MBD5: variants seen among roughly 807,000 people sequenced by gnomAD.
MBD5 encodes the protein methyl-CpG-binding domain protein 5.
Under a neutral mutation model 117.3 loss-of-function variants are expected in MBD5, and 13 were observed. The observed-to-expected ratio is 0.11, with a 90% confidence interval of 0.07 to 0.18. The LOEUF (loss-of-function observed/expected upper bound fraction) is 0.18, where lower values mean the gene tolerates loss of function less well. MBD5 is among the 10% of genes least tolerant of loss of function. The pLI is 1.00. For synonymous variants in MBD5, 727 were observed against 766.4 expected, an observed-to-expected ratio of 0.95 and a Z score of 0.85; for missense variants, 1,879 against 2,093.8, an observed-to-expected ratio of 0.90 and a Z score of 2.00.
intron 11 of MBD5, among the ~76,000 whole-genome samples, chr2:148,498,586 T>C (rs1681774456): frequency 6.6e-6 from 1 of 152,212 alleles, no homozygotes; most frequent in Non-Finnish European, 1.5e-5. Flanking sequence ...TCCACCCGCC[T>C]CGACCTCCCA....
At chr2:148,221,298 A>G (rs1394004911) in intron 2 of MBD5, among the ~76,000 whole-genome samples, 1 of 152,100 alleles carries the variant, frequency 6.6e-6, no homozygotes, top group Non-Finnish European at 1.5e-5. Flanking sequence ...CAGTGAGATT[A>G]CTGAATCATG....
chr2:148,122,122 A>C (rs1696783276), intron 1 of MBD5, among the ~76,000 whole-genome samples: 1 of 152,142 alleles, frequency 6.6e-6, no homozygotes, highest in African/African-American at 2.4e-5. Context: ...ATTTTTGGTC[A>C]GAAATAAATT....
chr2:148,504,302 C>T (rs1373350810), intron 12 of MBD5, among the ~76,000 whole-genome samples: 2 of 152,196 alleles, frequency 1.3e-5, no homozygotes, highest in African/African-American at 2.4e-5. Context: ...CTTTCCTTTT[C>T]GATGCCCAGT....
At chr2:148,352,478 A>T (rs747093068) in intron 4 of MBD5, among the ~76,000 whole-genome samples, 74 of 151,988 alleles carry the variant, frequency 4.9e-4, no homozygotes, top group Non-Finnish European at 9.6e-4. Flanking sequence ...TTCCATCACC[A>T]CAAGGGTCCC....
At chr2:148,038,952 T>C (rs996310060) in intron 1 of MBD5, among the ~76,000 whole-genome samples, 1 of 152,036 alleles carries the variant, frequency 6.6e-6, no homozygotes, top group African/African-American at 2.4e-5. Flanking sequence ...GAGAAGTAAA[T>C]AAACTGTTTG....
chr2:148,449,071 A>G (rs1346097119), intron 4 of MBD5, among the ~76,000 whole-genome samples: 1 of 152,156 alleles, frequency 6.6e-6, no homozygotes, highest in African/African-American at 2.4e-5. Flanking sequence ...TTGTTCATAG[A>G]TGTTCTGGTA....
intron 2 of MBD5, among the ~76,000 whole-genome samples, chr2:148,197,818 G>GTTTGT (rs1699034213): frequency 9.7e-6 from 1 of 103,558 alleles, no homozygotes; most frequent in African/African-American, 3.8e-5. Flanking sequence ...TTTTTTTTTT[G>GTTTGT]TTTTTTTTTT....
intron 3 of MBD5, among the ~76,000 whole-genome samples, chr2:148,237,226 C>T (rs1700109694): frequency 6.6e-6 from 1 of 152,214 alleles, no homozygotes; most frequent in South Asian, 2.1e-4. Context: ...CATAGTAGCA[C>T]TTTTAATTTG....
Position 148,470,078 on chromosome 2 carries a change from G to A in MBD5, c.2135G>A (p.Ser712Asn), listed in dbSNP as rs1231639619. ...TTACTACAGTCTATGAGTTGTCAAAGCTCTCACTTGAGTAGCAATAGTACC... is the reference window on the plus strand; with the variant it reads ...TTACTACAGTCTATGAGTTGTCAAAACTCTCACTTGAGTAGCAATAGTACC... ...SQLLQSMSCQ[S>N]SHLSSNSTPG... is the part of the protein sequence containing the mutation. The change falls in exon 8 of 14, where the codon AGC (serine) becomes AAC (asparagine). Residue 712 changes from serine (S) to asparagine (N), a missense_variant. By Grantham distance (46) the Ser-to-Asn change is conservative. Coordinates refer to ENST00000642680, the MANE Select transcript of MBD5 (RefSeq NM_001378120.1). 1.2e-6 allele frequency: 2 copies of A among 1,613,886 alleles called. No individual in the cohort carries two copies. The highest frequency in any genetic ancestry group is 1.7e-6 in the Non-Finnish European group (2 of 1,179,906).
chr2:148,132,937 C>T (rs1697085326), intron 1 of MBD5, among the ~76,000 whole-genome samples: 1 of 152,100 alleles, frequency 6.6e-6, no homozygotes, highest in African/African-American at 2.4e-5. Flanking sequence ...ATGCATTAAA[C>T]AGTGAAACCT....
At chr2:148,086,101 CTATTGCATCATATA>C (rs2105194817) in intron 1 of MBD5, among the ~76,000 whole-genome samples, 1 of 151,676 alleles carries the variant, frequency 6.6e-6, no homozygotes, top group East Asian at 1.9e-4. Flanking sequence ...CACTTCTGGG[CTATTGCATCATATA>C]TATAGTATAT....
chr2:148,179,111 T>C (rs1484907617), intron 2 of MBD5, among the ~76,000 whole-genome samples: 9 of 152,062 alleles, frequency 5.9e-5, no homozygotes, highest in Admixed American at 1.3e-4. Context: ...TCCCAGCACT[T>C]TGGGAGGCCG....
chr2:148,259,618 G>A (rs1051893336), intron 3 of MBD5, among the ~76,000 whole-genome samples: 1 of 152,198 alleles, frequency 6.6e-6, no homozygotes, highest in Non-Finnish European at 1.5e-5. Context: ...TCGAGGAATT[G>A]TAGACAGTTT....
Position 148,489,632 on chromosome 2 carries a change from C to A in MBD5, c.4000C>A (p.Gln1334Lys). 1 of 1,614,158 alleles carries A rather than the reference C, an allele frequency of 6.2e-7. No individual in the cohort carries two copies. Among genetic ancestry groups the A allele is most frequent in the Non-Finnish European group, 8.5e-7 (1 of 1,180,026 alleles). Residue 1334 changes from glutamine to lysine, a missense_variant, in exon 11 of 14, where the codon CAG becomes AAG. Physicochemically the swap from Gln to Lys is moderately conservative, Grantham distance 53. Transcript: ENST00000642680. ...TGTCGATGCAGCCAGCAAAGGAATG[C>A]AGGTTGTCATCACCACTGCAGTCAA... ...AVVDAASKGM[Q>K]VVITTAVNST...
intron 1 of MBD5, among the ~76,000 whole-genome samples, chr2:148,141,780 A>C (rs575600273): frequency 1.6e-4 from 22 of 136,028 alleles, no homozygotes; most frequent in Admixed American, 1.5e-3. Flanking sequence ...TGACAGAGCA[A>C]GACCCCGTCT....
chr2:148,237,693 T>C (rs1204353889), intron 3 of MBD5, among the ~76,000 whole-genome samples: 1 of 152,154 alleles, frequency 6.6e-6, no homozygotes, highest in East Asian at 1.9e-4. Context: ...AGTCATGAAG[T>C]GAGCACATGC....
At chr2:148,105,832 A>G (rs1450822143) in intron 1 of MBD5, among the ~76,000 whole-genome samples, 5 of 152,070 alleles carry the variant, frequency 3.3e-5, no homozygotes, top group African/African-American at 1.2e-4. Flanking sequence ...TAAAATTCTC[A>G]TCAAATATTG....
rs1305766194 is a variant in MBD5 at position 148,469,888 on chromosome 2, A to C, written c.1945A>C (p.Met649Leu). ...SGRAALRDKL[M>L]SQQKDALRKR... is the part of the protein sequence containing the mutation. The stretch of plus-strand genomic sequence containing the variant: ...TCGAGCAGCACTAAGAGATAAGCTG[A>C]TGTCTCAGCAAAAAGACGCATTGCG... The change falls in exon 8 of 14, where the codon ATG becomes CTG. Residue 649 changes from methionine (M) to leucine (L), a missense_variant. By Grantham distance (15) the Met-to-Leu change is conservative. This residue lies in a region of MBD5 where 1,666 missense variants were observed against 1,792.2 expected (regional missense o/e 0.93). Coordinates refer to ENST00000642680, the MANE Select transcript of MBD5 (RefSeq NM_001378120.1). 1 of 1,613,974 alleles carries C rather than the reference A, an allele frequency of 6.2e-7. No individual in the cohort carries two copies. Among genetic ancestry groups the C allele is most frequent in the Non-Finnish European group, 8.5e-7 (1 of 1,179,906 alleles).
rs995126532 is a variant in MBD5, at chr2:148,513,313, A to G, written c.*372A>G. On this transcript the variant is annotated 3_prime_UTR_variant, in exon 14 of 14. Transcript: ENST00000642680. ...GATATCAGAAATGTAAATATTGTAC[A>G]GTATTGTCATGTACAAGCGTACCTA... The G allele has an allele frequency of 3.8e-6, 1 of 265,948 alleles. No individual in the cohort carries two copies. Among genetic ancestry groups the G allele is most frequent in the African/African-American group, 2.2e-5 (1 of 44,966 alleles). 16.5% of individuals were successfully genotyped at this position (265,948 alleles called of 1,614,324 possible).
Sources: allele counts gnomAD v4.1 joint callset (sites outside exome capture counted in the v4.1 genomes callset), GRCh38; gene constraint gnomAD v4.1.1; regional missense constraint gnomAD v4.1.1; transcripts MANE v1.5; gene names NCBI Gene and HGNC (gene_info 2026-07-23, HGNC 2026-07-21).